The following PDE12 variants were observed in gnomAD, a reference collection of about 807,000 sequenced individuals.
The protein encoded by PDE12 is 2',5'-phosphodiesterase 12.
PDE12 carries 26 observed loss-of-function variants against 45.4 expected under a neutral mutation model. The ratio of observed to expected loss-of-function variants is 0.57; its 90% CI spans 0.42 to 0.79. The LOEUF is 0.79. Among genes scored for constraint, PDE12 ranks in the 30% least tolerant of loss-of-function variants. The probability of loss-of-function intolerance (pLI) is 0.00; values close to 1 mark genes in which losing one functional copy is unlikely to be tolerated. For missense variants in PDE12, 668 were observed against 790.0 expected, an observed-to-expected ratio of 0.85 and a Z score of 1.85; for synonymous variants, 283 against 323.9, an observed-to-expected ratio of 0.87 and a Z score of 1.36.
At chr3:57,634,447 A>AG in the PDE12 span, 6 of 567,074 alleles carry the variant, frequency 1.1e-5, no homozygotes, top group East Asian at 2.3e-4. Flanking sequence ...AAAAAAAAAA[A>AG]AAAAGGAGAG....
At chr3:57,646,955 G>A in the PDE12 span, among the ~76,000 whole-genome samples, 2 of 152,170 alleles carry the variant, frequency 1.3e-5, no homozygotes, top group African/African-American at 4.8e-5. Context: ...CTACAGAAGT[G>A]CTGAGTATTT....
the PDE12 span, among the ~76,000 whole-genome samples, chr3:57,648,619 C>A: frequency 6.6e-6 from 1 of 152,178 alleles, no homozygotes; most frequent in Non-Finnish European, 1.5e-5. Flanking sequence ...TCAAACTACA[C>A]TGTAAAGCCA....
At chr3:57,647,274 A>G in the PDE12 span, among the ~76,000 whole-genome samples, 3 of 152,196 alleles carry the variant, frequency 2.0e-5, no homozygotes, top group Non-Finnish European at 2.9e-5. Flanking sequence ...CAAAAACAAG[A>G]TAAGTGCCAC....
At chr3:57,651,950 T>C in the PDE12 span, among the ~76,000 whole-genome samples, 1 of 152,172 alleles carries the variant, frequency 6.6e-6, no homozygotes, top group African/African-American at 2.4e-5. Context: ...GGCTCACTCC[T>C]GTAACCCCAA....
At chr3:57,635,411 A>C in the PDE12 span, among the ~76,000 whole-genome samples, 1 of 152,120 alleles carries the variant, frequency 6.6e-6, no homozygotes. Flanking sequence ...GAAAGCTAAC[A>C]CCTAAACAAC....
At chr3:57,642,313 C>CAAA in the PDE12 span, among the ~76,000 whole-genome samples, 286 of 67,390 alleles carry the variant, frequency 4.2e-3, 3 homozygotes, top group African/African-American at 0.018. Context: ...GACTCTGTCT[C>CAAA]AAAAAAAAAA....
At chr3:57,597,026 A>C in the PDE12 span, 2 of 1,595,092 alleles carry the variant, frequency 1.3e-6, no homozygotes. Flanking sequence ...CCAATTGTGG[A>C]GACCCTGCCT....
the PDE12 span, chr3:57,597,169 A>G: frequency 1.2e-6 from 2 of 1,602,792 alleles, no homozygotes; most frequent in Non-Finnish European, 1.7e-6. Context: ...GATGGGCAGA[A>G]GCAGAAGGGG....
At chr3:57,576,712 G>C in the PDE12 span, among the ~76,000 whole-genome samples, 1 of 152,014 alleles carries the variant, frequency 6.6e-6, no homozygotes, top group African/African-American at 2.4e-5. Flanking sequence ...ATTCTCAGCA[G>C]TCTTCCTCCA....
At chr3:57,609,175 C>T in the PDE12 span, among the ~76,000 whole-genome samples, 8 of 152,250 alleles carry the variant, frequency 5.3e-5, no homozygotes, top group African/African-American at 1.9e-4. Flanking sequence ...TAAAGATGTT[C>T]TTTGAAACCA....
the PDE12 span, chr3:57,575,466 GT>G: frequency 2.2e-6 from 3 of 1,374,778 alleles, no homozygotes; most frequent in South Asian, 4.7e-5. Flanking sequence ...GATAATAAAT[GT>G]TTAAACTGAA....
At position 57,557,078 on chromosome 3, in the gene PDE12, T is replaced by A. The variant is rs138023136; in HGVS notation, c.699T>A (p.Arg233=). ...GGACTGAGACTGATGTGGAGGAGCG[T>A]GTCTACACCCCGTCCAATGCCGACA... is the stretch of plus-strand genomic sequence containing the variant. ...SSWTETDVEE[R]VYTPSNADIG... is the part of the protein sequence containing the mutation. Residue 233 remains arginine, a synonymous_variant, in exon 1 of 3, where the codon CGT becomes CGA. Coordinates refer to ENST00000311180, the MANE Select transcript of PDE12 (RefSeq NM_177966.7). 90 of 1,613,836 alleles carry A rather than the reference T, an allele frequency of 5.6e-5. No homozygotes were observed. Among genetic ancestry groups the A allele is most frequent in the Non-Finnish European group, 7.3e-5 (86 of 1,180,004 alleles).
chr3:57,621,997 G>A, the PDE12 span, among the ~76,000 whole-genome samples: 3 of 152,078 alleles, frequency 2.0e-5, no homozygotes, highest in Non-Finnish European at 2.9e-5. Context: ...CCAACATGGC[G>A]AAACCCCATC....
chr3:57,636,436 G>C, the PDE12 span, among the ~76,000 whole-genome samples: 1 of 152,028 alleles, frequency 6.6e-6, no homozygotes, highest in African/African-American at 2.4e-5. Flanking sequence ...GGCAATACAG[G>C]AACAAAACAG....
downstream of PDE12, among the ~76,000 whole-genome samples, chr3:57,570,245 C>G (rs2069826344): frequency 2.1e-5 from 1 of 48,652 alleles, no homozygotes; most frequent in Admixed American, 3.0e-4. Context: ...TTTTTGGAGA[C>G]AGAGTCTTGC....
At chr3:57,628,813 G>A in the PDE12 span, 1 of 1,610,852 alleles carries the variant, frequency 6.2e-7, no homozygotes, top group Non-Finnish European at 8.5e-7. Flanking sequence ...CTACATACCA[G>A]CTTATTTTTC....
chr3:57,577,400 T>A, the PDE12 span: 1 of 1,611,176 alleles, frequency 6.2e-7, no homozygotes, highest in Non-Finnish European at 8.5e-7. Context: ...GGGGAAAAAT[T>A]GTTTCAGTAA....
At chr3:57,567,303 C>T (rs2069794835), downstream of PDE12, among the ~76,000 whole-genome samples, 1 of 149,928 alleles carries the variant, frequency 6.7e-6, no homozygotes, top group Admixed American at 6.7e-5. Flanking sequence ...CAGAGCACGA[C>T]TCCGTGTCAA....
the PDE12 span, chr3:57,596,834 G>T: frequency 2.0e-6 from 1 of 511,774 alleles, no homozygotes; most frequent in Non-Finnish European, 3.5e-6. Flanking sequence ...AGAAAAAGCC[G>T]AGTCCAGAAA....
Sources: allele counts gnomAD v4.1 joint callset (sites outside exome capture counted in the v4.1 genomes callset), GRCh38; gene constraint gnomAD v4.1.1; transcripts MANE v1.5; gene names NCBI Gene and HGNC (gene_info 2026-07-23, HGNC 2026-07-21).